The following TBC1D4 variants were observed in gnomAD, a reference collection of about 807,000 sequenced individuals.
TBC1D4 encodes the protein TBC (Tre-2, BUB2, CDC16) domain-containing protein.
In TBC1D4, 121 loss-of-function variants were observed where a neutral mutation model predicts 142.5. The ratio of observed to expected loss-of-function variants is 0.85; its 90% CI spans 0.73 to 0.99. TBC1D4 has a LOEUF of 0.99. TBC1D4 is among the 50% of genes least tolerant of loss of function. TBC1D4 has a pLI of 0.00. For synonymous variants in TBC1D4, 630 were observed against 628.2 expected (o/e 1.00, Z -0.04); for missense variants, 1,475 against 1,606.6 (o/e 0.92, Z 1.40).
intron 18 of TBC1D4, among the ~76,000 whole-genome samples, chr13:75,293,944 T>C (rs891920087): frequency 6.6e-6 from 1 of 152,144 alleles, no homozygotes; most frequent in Non-Finnish European, 1.5e-5. Flanking sequence ...GACAAAAAGC[T>C]CCAATTTAAC....
chr13:75,326,106 A>T lies in TBC1D4; in HGVS notation c.2033+91T>A. The T allele has an allele frequency of 1.0e-5, 15 of 1,429,478 alleles. 2 individuals carry two copies. The South Asian group carries it at 1.8e-4, about 17-fold the overall frequency. The allele number at this position is 1,429,478 out of a possible 1,614,324, so 88.5% of individuals were successfully genotyped here. On this transcript the variant is annotated intron_variant, in intron 10 of 20. Transcript: ENST00000377636. Reference sequence around the variant, plus strand: ...TTTCTCAAAACTAAAAGTTGGCTACAGCATAAATTCACAATCCACCTTGAC... The same window carrying T: ...TTTCTCAAAACTAAAAGTTGGCTACTGCATAAATTCACAATCCACCTTGAC...
chr13:75,323,713 C>T (rs1878973320), intron 11 of TBC1D4, among the ~76,000 whole-genome samples: 1 of 152,016 alleles, frequency 6.6e-6, no homozygotes, highest in Non-Finnish European at 1.5e-5. Context: ...GATCTTGTAA[C>T]CATTATGCGA....
rs754128709 is a variant in TBC1D4 at position 75,310,095 on chromosome 13, C to T, written c.2440G>A (p.Glu814Lys). ...GACAGGAATACAACCAGCGGTTCCTCCTCCATGGTTGGAGAGAGGGGGGAC... is the reference window on the plus strand; with the variant it reads ...GACAGGAATACAACCAGCGGTTCCTTCTCCATGGTTGGAGAGAGGGGGGAC... ...PLSPLSPTMEEEPLVVFLSGE... is the reference protein window; with the variant it reads ...PLSPLSPTMEKEPLVVFLSGE... The change falls in exon 14 of 21, where the codon GAG (glutamate) becomes AAG (lysine). Residue 814 changes from glutamate to lysine, a missense_variant. By Grantham distance (56) the Glu-to-Lys change is moderately conservative. Coordinates refer to ENST00000377636, the MANE Select transcript of TBC1D4 (RefSeq NM_014832.5). 1.9e-6 allele frequency: 3 copies of T among 1,614,108 alleles called. No individual in the cohort carries two copies. The highest frequency in any genetic ancestry group is 2.5e-6 in the Non-Finnish European group (3 of 1,180,010).
At chr13:75,303,432 C>G (rs998482594) in intron 15 of TBC1D4, among the ~76,000 whole-genome samples, 5 of 152,180 alleles carry the variant, frequency 3.3e-5, no homozygotes, top group Admixed American at 1.3e-4. Context: ...AACATTAACT[C>G]TAGTATGCTT....
chr13:75,379,339 C>T (rs886581563), intron 1 of TBC1D4, among the ~76,000 whole-genome samples: 1 of 152,046 alleles, frequency 6.6e-6, no homozygotes, highest in African/African-American at 2.4e-5. Flanking sequence ...TCAATATGTG[C>T]AATGACAAAT....
intron 5 of TBC1D4, among the ~76,000 whole-genome samples, chr13:75,342,041 T>C (rs1171484735): frequency 6.6e-6 from 1 of 151,806 alleles, no homozygotes; most frequent in Admixed American, 6.6e-5. Context: ...CTACTAAAAA[T>C]ACAAAAATTA....
intron 1 of TBC1D4, among the ~76,000 whole-genome samples, chr13:75,480,616 T>A (rs1301952491): frequency 6.6e-6 from 1 of 152,180 alleles, no homozygotes; most frequent in African/African-American, 2.4e-5. Flanking sequence ...ATAAGTGTGT[T>A]TAAAAACCGC....
chr13:75,383,056 T>C (rs1297185297), intron 1 of TBC1D4, among the ~76,000 whole-genome samples: 1 of 152,202 alleles, frequency 6.6e-6, no homozygotes, highest in Non-Finnish European at 1.5e-5. Flanking sequence ...GCACAGAGGC[T>C]CACGCCCATA....
At position 75,462,444 on chromosome 13, in the gene TBC1D4, C is replaced by T. The variant is rs555692474; in HGVS notation, c.498+18826G>A. Among the ~76,000 whole-genome samples, 5 of 151,914 alleles carry T rather than the reference C, an allele frequency of 3.3e-5. No homozygotes were observed. In the South Asian group the frequency reaches 1.0e-3, roughly 32 times the overall value. On this transcript the variant is annotated intron_variant, in intron 1 of 20. Transcript: ENST00000377636. Reference sequence around the variant, plus strand: ...TGGGGAAGTCAAGTCAGAACTTTATCTCTTACTAGGTAGAAGAGTTAAAAT... The same window carrying T: ...TGGGGAAGTCAAGTCAGAACTTTATTTCTTACTAGGTAGAAGAGTTAAAAT...
Position 75,481,773 on chromosome 13 carries a change from T to C in TBC1D4, c.-6A>G. The stretch of plus-strand genomic sequence containing the variant: ...ATGCAGCTGGGCGGCTCCATAACTC[T>C]CGCCTCACCAGGGCACCGCGGAGGC... On this transcript the variant is annotated 5_prime_UTR_variant, in exon 1 of 21. Coordinates refer to ENST00000377636, the MANE Select transcript of TBC1D4 (RefSeq NM_014832.5). 6.4e-7 allele frequency: 1 copy of C among 1,555,626 alleles called. No homozygotes were observed. Among genetic ancestry groups the C allele is most frequent in the Non-Finnish European group, 8.6e-7 (1 of 1,158,220 alleles).
At chr13:75,287,714 C>T (rs1473033014) in intron 20 of TBC1D4, among the ~76,000 whole-genome samples, 14 of 152,076 alleles carry the variant, frequency 9.2e-5, no homozygotes, top group Admixed American at 9.2e-4. Flanking sequence ...TAAGACAAAG[C>T]GAAGGAAGTT....
At chr13:75,325,194 A>G (rs920060378) in intron 10 of TBC1D4, among the ~76,000 whole-genome samples, 12 of 152,182 alleles carry the variant, frequency 7.9e-5, no homozygotes, top group African/African-American at 2.9e-4. Flanking sequence ...ATATCTTGAT[A>G]TACATATGAC....
At chr13:75,480,434 T>C (rs56146649) in intron 1 of TBC1D4, among the ~76,000 whole-genome samples, 4,769 of 152,228 alleles carry the variant, frequency 0.031, 245 homozygotes, top group African/African-American at 0.11. Flanking sequence ...AATCACTGCA[T>C]AGTCAAGTTC....
chr13:75,402,213 A>G (rs992547263), intron 1 of TBC1D4, among the ~76,000 whole-genome samples: 1 of 152,208 alleles, frequency 6.6e-6, no homozygotes, highest in African/African-American at 2.4e-5. Context: ...AAACATCTTT[A>G]TATTAAAATA....
At chr13:75,360,393 T>C (rs1342389557) in intron 2 of TBC1D4, among the ~76,000 whole-genome samples, 1 of 152,126 alleles carries the variant, frequency 6.6e-6, no homozygotes, top group East Asian at 1.9e-4. Flanking sequence ...TAGAGAGGCT[T>C]TAATGACATA....
chr13:75,405,045 C>A (rs1885265746), intron 1 of TBC1D4, among the ~76,000 whole-genome samples: 1 of 152,152 alleles, frequency 6.6e-6, no homozygotes, highest in African/African-American at 2.4e-5. Flanking sequence ...TTTCCCCTGA[C>A]ATCTTTCTTA....
intron 13 of TBC1D4, among the ~76,000 whole-genome samples, chr13:75,310,989 T>C (rs1353975646): frequency 2.6e-5 from 4 of 152,220 alleles, no homozygotes; most frequent in African/African-American, 9.6e-5. Context: ...TTCATTATTT[T>C]TCATGGCTGT....
intron 1 of TBC1D4, among the ~76,000 whole-genome samples, chr13:75,461,685 C>A (rs1406397335): frequency 2.0e-5 from 3 of 152,198 alleles, no homozygotes; most frequent in Non-Finnish European, 4.4e-5. Flanking sequence ...TTCCTACATA[C>A]AGGTAGCTAC....
intron 12 of TBC1D4, among the ~76,000 whole-genome samples, chr13:75,314,290 T>C (rs1486130480): frequency 6.6e-6 from 1 of 152,150 alleles, no homozygotes; most frequent in African/African-American, 2.4e-5. Context: ...GGTATAAGAC[T>C]TTTGATGGAA....
Sources: gnomAD v4.1 joint callset for allele counts (sites outside exome capture counted in the v4.1 genomes callset) on GRCh38, gnomAD v4.1.1 for gene constraint, MANE v1.5 for transcripts, NCBI Gene and HGNC (gene_info 2026-07-23, HGNC 2026-07-21) for gene names.